Variants in MYH10 observed in about 807,000 individuals in gnomAD.
MYH10 encodes myosin heavy chain 10, also known as myosin-10.
MYH10 carries 55 observed loss-of-function variants against 257.8 expected under a neutral mutation model. The observed-to-expected ratio is 0.21, with a 90% CI of 0.17 to 0.27. The LOEUF (loss-of-function observed/expected upper bound fraction) is 0.27, where lower values mean the gene tolerates loss of function less well. Among genes scored for constraint, MYH10 ranks in the 10% least tolerant of loss-of-function variants. MYH10 has a pLI of 1.00. For missense variants in MYH10, 1,631 were observed against 2,500.6 expected, an observed-to-expected ratio of 0.65 and a Z score of 7.42; for synonymous variants, 854 against 921.7, an observed-to-expected ratio of 0.93 and a Z score of 1.33.
In MYH10 at chr17:8,493,229, G is replaced by A. The variant is rs181398904; in HGVS notation, c.4210-205C>T. ...ACAAAAATCGCCTGTCTGTAGTCTC[G>A]GCTACTGGGGAGGCTCAGGTGGGAG... On this transcript the variant is annotated intron_variant, in intron 32 of 42. Transcript: ENST00000360416. Among the ~76,000 whole-genome samples, 6 of 151,986 alleles carry A rather than the reference G, an allele frequency of 3.9e-5. No homozygotes were observed. The East Asian group carries it at 7.7e-4, about 20-fold the overall frequency.
At chr17:8,548,454 T>C (rs2151956431) in intron 10 of MYH10, 46 bp from the exon 11 acceptor site, 1 of 1,458,672 alleles carries the variant, frequency 6.9e-7, no homozygotes, top group East Asian at 2.3e-5. Flanking sequence ...TGCCTCAAAA[T>C]GTAGCGGAGA....
intron 17 of MYH10, among the ~76,000 whole-genome samples, chr17:8,529,766 G>A (rs1169945552): frequency 1.3e-5 from 2 of 152,170 alleles, no homozygotes; most frequent in Non-Finnish European, 2.9e-5. Context: ...GCATTATCAT[G>A]TTCCAAAAAT....
At position 8,506,592 on chromosome 17, in the gene MYH10, C is replaced by G; in HGVS notation, c.3215-103G>C. The G allele has an allele frequency of 8.0e-7, 1 of 1,253,194 alleles. No individual in the cohort carries two copies. The highest frequency in any genetic ancestry group is 1.1e-6 in the Non-Finnish European group (1 of 888,824). The allele number at this position is 1,253,194 out of a possible 1,614,324, so 77.6% of individuals were successfully genotyped here. Reference sequence around the variant, plus strand: ...CAAGTTGAAAATAAGCCATTTTATTCAAAAGCATGTCACTGCCCTGATGAC... The same window carrying G: ...CAAGTTGAAAATAAGCCATTTTATTGAAAAGCATGTCACTGCCCTGATGAC... On this transcript the variant is annotated intron_variant, in intron 26 of 42. Transcript: ENST00000360416. The surrounding 1 kb of genome is among the most constrained non-coding windows in gnomAD (Gnocchi z 5.0).
At position 8,475,123 on chromosome 17, in the gene MYH10, A is replaced by G. The variant is rs1379869196; in HGVS notation, c.*681T>C. The G allele has an allele frequency of 6.6e-6, 1 of 152,564 alleles. No homozygotes were observed. Among genetic ancestry groups the G allele is most frequent in the Non-Finnish European group, 1.5e-5 (1 of 68,312 alleles). The allele number at this position is 152,564 out of a possible 1,614,324, so 9.5% of individuals were successfully genotyped here. ...CCACTATCCCTTCTATGCACAGACC[A>G]GCCCTCGCCAAGGCCAGTTCACATG... On this transcript the variant is annotated 3_prime_UTR_variant, in exon 43 of 43. Transcript: ENST00000360416.
intron 2 of MYH10, among the ~76,000 whole-genome samples, chr17:8,611,185 A>G (rs753073073): frequency 1.3e-5 from 2 of 152,216 alleles, no homozygotes; most frequent in Admixed American, 6.5e-5. Flanking sequence ...CTACACCCTA[A>G]GAGTTAAGAC....
intron 2 of MYH10, among the ~76,000 whole-genome samples, chr17:8,612,308 A>G (rs2085071165): frequency 6.6e-6 from 1 of 152,198 alleles, no homozygotes; most frequent in Non-Finnish European, 1.5e-5. Context: ...GTAAGTTTTC[A>G]ACTTAATAAC....
chr17:8,582,789 ACCATGGGGATTTCC>A (rs2083757835), intron 4 of MYH10, among the ~76,000 whole-genome samples: 2 of 152,258 alleles, frequency 1.3e-5, no homozygotes, highest in African/African-American at 2.4e-5. Flanking sequence ...TTCCTTCTGG[ACCATGGGGATTTCC>A]CCAATGAGAA....
chr17:8,568,557 T>A (rs2083235576), intron 7 of MYH10, among the ~76,000 whole-genome samples: 1 of 151,872 alleles, frequency 6.6e-6, no homozygotes, highest in South Asian at 2.1e-4. Context: ...TACTCTGGCG[T>A]TCTTGACTTT....
At chr17:8,540,578 C>T (rs1448343244) in intron 14 of MYH10, among the ~76,000 whole-genome samples, 1 of 152,028 alleles carries the variant, frequency 6.6e-6, no homozygotes, top group East Asian at 1.9e-4. Flanking sequence ...GGTAATTTTC[C>T]ATTTGGAAGA....
intron 2 of MYH10, among the ~76,000 whole-genome samples, chr17:8,620,570 ATATCT>A (rs144293164): frequency 0.053 from 8,140 of 152,256 alleles, 762 homozygotes; most frequent in African/African-American, 0.19. Flanking sequence ...AATTTATGTT[ATATCT>A]TATCTATAGA....
intron 3 of MYH10, among the ~76,000 whole-genome samples, chr17:8,592,933 C>CATATATATATATA (rs1555612260): frequency 2.2e-5 from 1 of 44,712 alleles, no homozygotes; most frequent in African/African-American, 6.2e-5. Context: ...TCAAATCCAG[C>CATATATATATATA]TATATATATA....
intron 21 of MYH10, among the ~76,000 whole-genome samples, chr17:8,514,937 C>T (rs1049785944): frequency 6.6e-6 from 1 of 152,168 alleles, no homozygotes; most frequent in Non-Finnish European, 1.5e-5. Flanking sequence ...TCCCTGCATT[C>T]CAGAGCACCA....
chr17:8,556,070 A>T (rs2082782983), intron 7 of MYH10, among the ~76,000 whole-genome samples: 2 of 152,256 alleles, frequency 1.3e-5, no homozygotes, highest in South Asian at 4.1e-4. Context: ...AAATCTAAGT[A>T]AAAACAGCCA....
At chr17:8,607,431 AAT>A (rs960832999) in intron 2 of MYH10, among the ~76,000 whole-genome samples, 3 of 152,250 alleles carry the variant, frequency 2.0e-5, no homozygotes, top group African/African-American at 2.4e-5. Context: ...AAGTCTCACA[AAT>A]ATGAGTTCAT....
At chr17:8,510,219 T>G (rs1277674911) in intron 24 of MYH10, among the ~76,000 whole-genome samples, 1 of 151,906 alleles carries the variant, frequency 6.6e-6, no homozygotes. Context: ...TTTGATTTTT[T>G]TTTTGGTAGA....
rs369975096 is a variant in MYH10, at chr17:8,546,553, G to A, written c.1269C>T (p.Thr423=). ...TGAACATGAAACCTACCTGTTCTTT[G>A]GTCTGGGCTTTTTGCACATAGTCTC... ...VGRDYVQKAQ[T]KEQADFAVEA... The change falls in exon 12 of 43, where the codon ACC becomes ACT. Residue 423 remains threonine, a synonymous_variant. Coordinates refer to ENST00000360416, the MANE Select transcript of MYH10 (RefSeq NM_001256012.3). The A allele has an allele frequency of 2.5e-6, 4 of 1,613,266 alleles. No homozygotes were observed. Among genetic ancestry groups the A allele is most frequent in the African/African-American group, 2.7e-5 (2 of 75,008 alleles).
intron 36 of MYH10, among the ~76,000 whole-genome samples, chr17:8,486,507 G>GA (rs1237172635): frequency 6.8e-4 from 55 of 81,084 alleles, no homozygotes; most frequent in African/African-American, 1.6e-3. Flanking sequence ...CTATCTCTGG[G>GA]AAAAAAAACA....
chr17:8,521,233 A>T lies in MYH10; in HGVS notation c.2010T>A (p.Phe670Leu). 6.2e-7 allele frequency: 1 copy of T among 1,614,246 alleles called. No homozygotes were observed. Among genetic ancestry groups the T allele is most frequent in the Non-Finnish European group, 8.5e-7 (1 of 1,180,030 alleles). The change falls in exon 18 of 43, where the codon TTT (phenylalanine) becomes TTA (leucine). Residue 670 changes from phenylalanine (F) to leucine (L), a missense_variant. By Grantham distance (22) the Phe-to-Leu change is conservative. This residue lies in a region of MYH10 where 96 missense variants were observed against 146.2 expected (regional missense o/e 0.66). Coordinates refer to ENST00000360416, the MANE Select transcript of MYH10 (RefSeq NM_001256012.3). Reference protein sequence around the residue: ...DQVTGMTETAFGSAYKTKKGM... With the variant: ...DQVTGMTETALGSAYKTKKGM... ...CCTTCTTGGTTTTATATGCGGAGCC[A>T]AAAGCTGTCTCAGTCATACCAGTGA...
At chr17:8,595,972 T>C (rs1417441300) in intron 3 of MYH10, among the ~76,000 whole-genome samples, 2 of 152,172 alleles carry the variant, frequency 1.3e-5, no homozygotes, top group Admixed American at 1.3e-4. Context: ...CTATGCTTTC[T>C]TTTTGTATGT....
Sources: gnomAD v4.1 joint callset for allele counts (sites outside exome capture counted in the v4.1 genomes callset) on GRCh38, gnomAD v4.1.1 for gene constraint, gnomAD v4.1.1 regional missense constraint, Gnocchi (gnomAD v3.1) non-coding constraint, MANE v1.5 for transcripts, NCBI Gene and HGNC (gene_info 2026-07-23, HGNC 2026-07-21) for gene names.